The following SPOCK3 variants were observed in gnomAD, a reference collection of about 807,000 sequenced individuals.
SPOCK3 encodes the protein SPARC (osteonectin), cwcv and kazal like domains proteoglycan 3, also known as testican-3.
In SPOCK3, 30 loss-of-function variants were observed where a neutral mutation model predicts 56.6. The observed-to-expected ratio is 0.53, with a 90% CI of 0.40 to 0.72. The LOEUF is 0.72. Ranked by LOEUF, SPOCK3 falls within the 30% of genes least tolerant of loss-of-function variation. The probability of loss-of-function intolerance (pLI) is 0.00; values close to 1 mark genes in which losing one functional copy is unlikely to be tolerated. For synonymous variants in SPOCK3, 196 were observed against 183.3 expected (o/e 1.07, Z -0.56); for missense variants, 527 against 530.0 (o/e 0.99, Z 0.06).
chr4:167,174,809 G>A lies in SPOCK3; in HGVS notation c.189+59176C>T, dbSNP rs191502998. 3.0e-3 allele frequency among the ~76,000 whole-genome samples: 452 copies of A among 152,216 alleles called. 2 individuals are homozygous for A. The highest frequency in any genetic ancestry group is 4.8e-3 in the Non-Finnish European group (329 of 68,012). On this transcript the variant is annotated intron_variant, in intron 2 of 10. Coordinates refer to ENST00000357545, the MANE Select transcript of SPOCK3 (RefSeq NM_001040159.2). The stretch of plus-strand genomic sequence containing the variant: ...TTGAAAATTATGCAAACTTAAGTGC[G>A]CGTGCACACGCACACAAACACACAT...
chr4:167,226,556 C>A (rs1736618102), intron 2 of SPOCK3, among the ~76,000 whole-genome samples: 1 of 152,148 alleles, frequency 6.6e-6, no homozygotes, highest in Non-Finnish European at 1.5e-5. Flanking sequence ...CCAACATTTT[C>A]TCCGAGTATT....
chr4:167,115,207 G>A (rs1426949650), intron 2 of SPOCK3, among the ~76,000 whole-genome samples: 1 of 151,802 alleles, frequency 6.6e-6, no homozygotes, highest in Non-Finnish European at 1.5e-5. Context: ...ATGCCCATCT[G>A]GTTACATATT....
intron 3 of SPOCK3, among the ~76,000 whole-genome samples, chr4:167,061,215 T>C (rs1755573129): frequency 6.6e-6 from 1 of 151,946 alleles, no homozygotes; most frequent in Non-Finnish European, 1.5e-5. Context: ...ACAAATTCCA[T>C]AGCTAACACC....
At chr4:166,840,872 G>A (rs1006387766) in intron 6 of SPOCK3, among the ~76,000 whole-genome samples, 8 of 143,264 alleles carry the variant, frequency 5.6e-5, no homozygotes, top group African/African-American at 1.6e-4. Context: ...TCCGCCTCCC[G>A]GGTTCATGCC....
chr4:166,740,175 T>G (rs1379164674), intron 9 of SPOCK3, among the ~76,000 whole-genome samples: 2 of 152,226 alleles, frequency 1.3e-5, no homozygotes, highest in Non-Finnish European at 2.9e-5. Context: ...AATCAGGACA[T>G]GGGGCATCAT....
chr4:167,172,971 C>A (rs1268352803), intron 2 of SPOCK3, among the ~76,000 whole-genome samples: 3 of 151,948 alleles, frequency 2.0e-5, no homozygotes, highest in Non-Finnish European at 4.4e-5. Context: ...TCTTATTTCT[C>A]TTTCATATTC....
At chr4:167,231,170 A>T (rs1388289297) in intron 2 of SPOCK3, among the ~76,000 whole-genome samples, 1 of 152,058 alleles carries the variant, frequency 6.6e-6, no homozygotes. Context: ...TTTTAAAATT[A>T]TTCAATTAAA....
At chr4:167,182,109 T>C (rs1186359345) in intron 2 of SPOCK3, among the ~76,000 whole-genome samples, 1 of 152,174 alleles carries the variant, frequency 6.6e-6, no homozygotes, top group Non-Finnish European at 1.5e-5. Context: ...TTGTAGAGAG[T>C]TACAATTTGT....
At chr4:167,144,333 A>G (rs1488848986) in intron 2 of SPOCK3, among the ~76,000 whole-genome samples, 1 of 152,010 alleles carries the variant, frequency 6.6e-6, no homozygotes, top group Non-Finnish European at 1.5e-5. Flanking sequence ...TGTACAGTCA[A>G]TTACCCAAAC....
chr4:167,175,277 G>T (rs1279069991), intron 2 of SPOCK3, among the ~76,000 whole-genome samples: 1 of 152,106 alleles, frequency 6.6e-6, no homozygotes, highest in Non-Finnish European at 1.5e-5. Context: ...AAACCAATAA[G>T]TCATGGTCCC....
intron 2 of SPOCK3, among the ~76,000 whole-genome samples, chr4:167,075,119 C>T (rs138975268): frequency 7.5e-4 from 113 of 151,618 alleles, no homozygotes; most frequent in African/African-American, 2.1e-3. Flanking sequence ...TGTGTATGCC[C>T]GTACTATTTG....
chr4:166,824,754 T>A (rs1182126478), intron 6 of SPOCK3, among the ~76,000 whole-genome samples: 1 of 152,066 alleles, frequency 6.6e-6, no homozygotes, highest in African/African-American at 2.4e-5. Flanking sequence ...ATGACAGTGT[T>A]AACTAAATTT....
chr4:167,035,311 C>T (rs1429483686), intron 3 of SPOCK3, among the ~76,000 whole-genome samples: 3 of 151,718 alleles, frequency 2.0e-5, no homozygotes, highest in Non-Finnish European at 4.4e-5. Flanking sequence ...ATATGATTAC[C>T]AGAACATCTC....
chr4:166,737,755 C>A (rs139140178), intron 9 of SPOCK3, 151 bp from the exon 10 acceptor site: 4 of 816,452 alleles, frequency 4.9e-6, no homozygotes, highest in Non-Finnish European at 7.2e-6. Context: ...ACCAGTGATG[C>A]CTTAGAAGAA....
chr4:167,074,570 A>C (rs1324175974), intron 2 of SPOCK3, among the ~76,000 whole-genome samples: 1 of 151,794 alleles, frequency 6.6e-6, no homozygotes, highest in East Asian at 2.0e-4. Flanking sequence ...GCGTGAGAGG[A>C]TGGGTAATAT....
At chr4:167,078,115 A>C (rs1443528552) in intron 2 of SPOCK3, among the ~76,000 whole-genome samples, 4 of 151,920 alleles carry the variant, frequency 2.6e-5, no homozygotes, top group Non-Finnish European at 4.4e-5. Flanking sequence ...GTCAGAATGC[A>C]TGCCATGAGA....
intron 3 of SPOCK3, among the ~76,000 whole-genome samples, chr4:167,017,906 G>A (rs1177864717): frequency 2.6e-5 from 4 of 151,998 alleles, no homozygotes; most frequent in African/African-American, 9.7e-5. Flanking sequence ...ATATTGATTA[G>A]ATTGAATTAT....
intron 4 of SPOCK3, among the ~76,000 whole-genome samples, chr4:166,932,775 A>T (rs948700917): frequency 2.0e-5 from 3 of 152,180 alleles, no homozygotes; most frequent in Non-Finnish European, 4.4e-5. Context: ...AAAAAAATTC[A>T]CTTGCTTAAT....
At chr4:167,052,675 C>G (rs17052926) in intron 3 of SPOCK3, among the ~76,000 whole-genome samples, 3,705 of 152,210 alleles carry the variant, frequency 0.024, 130 homozygotes, top group African/African-American at 0.084. Flanking sequence ...AACAAAGCAG[C>G]ATTATGATAC....
Sources: allele counts gnomAD v4.1 joint callset (sites outside exome capture counted in the v4.1 genomes callset), GRCh38; gene constraint gnomAD v4.1.1; transcripts MANE v1.5; gene names NCBI Gene and HGNC (gene_info 2026-07-23, HGNC 2026-07-21).